UROS: variants seen among roughly 807,000 people sequenced by gnomAD.
UROS encodes uroporphyrinogen-III synthase.
UROS carries 18 observed loss-of-function variants against 33.0 expected under a neutral mutation model. The observed-to-expected ratio is 0.55, with a 90% confidence interval of 0.38 to 0.81. UROS has a LOEUF of 0.81. Ranked by LOEUF, UROS falls within the 30% of genes least tolerant of loss-of-function variation. The pLI is 0.00. For missense variants in UROS, 293 were observed against 314.9 expected, an observed-to-expected ratio of 0.93 and a Z score of 0.53; for synonymous variants, 114 against 121.1, an observed-to-expected ratio of 0.94 and a Z score of 0.38.
intron 5 of UROS, among the ~76,000 whole-genome samples, chr10:125,809,081 A>G (rs923993449): frequency 2.0e-5 from 3 of 152,266 alleles, no homozygotes; most frequent in African/African-American, 7.2e-5. Flanking sequence ...TAAAGGGACT[A>G]TAAGAATGTA....
intron 6 of UROS, among the ~76,000 whole-genome samples, chr10:125,806,874 C>T: frequency 6.6e-6 from 1 of 152,278 alleles, no homozygotes; most frequent in East Asian, 1.9e-4. Flanking sequence ...AGAATTTTTG[C>T]CTATGTATCT....
At chr10:125,797,434 C>T (rs1283951797) in intron 7 of UROS, among the ~76,000 whole-genome samples, 2 of 152,190 alleles carry the variant, frequency 1.3e-5, no homozygotes, top group Non-Finnish European at 2.9e-5. Flanking sequence ...AGCTAATAAA[C>T]AGCAAGAGGG....
intron 7 of UROS, among the ~76,000 whole-genome samples, chr10:125,797,481 G>T (rs1851461172): frequency 6.6e-6 from 1 of 152,166 alleles, no homozygotes; most frequent in Admixed American, 6.5e-5. Flanking sequence ...CCGAAAGCTG[G>T]TACTCCAAAC....
intron 9 of UROS, among the ~76,000 whole-genome samples, chr10:125,790,826 C>CA (rs1564771254): frequency 3.3e-5 from 5 of 149,688 alleles, no homozygotes; most frequent in African/African-American, 1.2e-4. Context: ...CGCCGTGGCT[C>CA]ATGCCTGTAA....
chr10:125,789,538 C>T (rs1295355552), intron 9 of UROS: 4 of 215,674 alleles, frequency 1.9e-5, no homozygotes, highest in East Asian at 2.8e-4. Flanking sequence ...TCTGTCAAAC[C>T]GAAAAGATAA....
At chr10:125,793,580 CTT>C (rs1241676390) in intron 9 of UROS, 12 of 152,456 alleles carry the variant, frequency 7.9e-5, no homozygotes, top group Middle Eastern at 3.4e-3. Flanking sequence ...GAGTTTCACT[CTT>C]GTCACCCAGG....
At position 125,815,058 on chromosome 10, in the gene UROS, A is replaced by G. The variant is rs776087631; in HGVS notation, c.220T>C (p.Leu74=). ...PRAVEAAELC[L]EQNNKTEVWE... ...CCTTCAGTTTTATTGTTTTGCTCCAAACATAACTCTGCTGCTTCCACTGCT... is the reference window on the plus strand; with the variant it reads ...CCTTCAGTTTTATTGTTTTGCTCCAGACATAACTCTGCTGCTTCCACTGCT... Residue 74 remains leucine, a synonymous_variant, in exon 4 of 10, where the codon TTG becomes CTG. Transcript: ENST00000368797. 6 of 1,614,222 alleles carry G rather than the reference A, an allele frequency of 3.7e-6. No individual in the cohort carries two copies. Among genetic ancestry groups the G allele is most frequent in the Non-Finnish European group, 5.1e-6 (6 of 1,180,042 alleles).
In UROS at chr10:125,805,784, G is replaced by A. The variant is rs140063486; in HGVS notation, c.394+1629C>T. On this transcript the variant is annotated intron_variant, in intron 6 of 9. Coordinates refer to ENST00000368797, the MANE Select transcript of UROS (RefSeq NM_000375.3). ...TTAAATGACATCATACAGGCCACGT[G>A]TCTATGTACCCGAGACACGCTGGGC... Among the ~76,000 whole-genome samples the A allele has an allele frequency of 7.1e-4, 108 of 152,296 alleles. No homozygotes were observed. The South Asian group carries it at 0.01, about 15-fold the overall frequency.
intron 7 of UROS, among the ~76,000 whole-genome samples, chr10:125,797,536 G>A (rs1194946083): frequency 6.6e-6 from 1 of 152,190 alleles, no homozygotes; most frequent in Non-Finnish European, 1.5e-5. Context: ...ACAGCAAAAG[G>A]TGCGCAGGTG....
intron 9 of UROS, among the ~76,000 whole-genome samples, chr10:125,794,619 T>C (rs1851192548): frequency 6.6e-6 from 1 of 152,040 alleles, no homozygotes; most frequent in African/African-American, 2.4e-5. Context: ...CTGAGACTCA[T>C]CCTAAGCAGG....
intron 6 of UROS, among the ~76,000 whole-genome samples, chr10:125,804,098 T>C (rs991698452): frequency 1.3e-5 from 2 of 152,350 alleles, no homozygotes; most frequent in East Asian, 1.9e-4. Flanking sequence ...CTTTTAACCA[T>C]ACTGGAGTTT....
intron 1 of UROS, among the ~76,000 whole-genome samples, chr10:125,818,620 G>C (rs1048055320): frequency 2.6e-5 from 4 of 152,190 alleles, no homozygotes; most frequent in African/African-American, 9.7e-5. Context: ...GCACAGATAG[G>C]TTAACATGTC....
Position 125,796,729 on chromosome 10 carries a change from C to G in UROS, c.476-541G>C, listed in dbSNP as rs532292145. 412 of 945,770 alleles carry G rather than the reference C, an allele frequency of 4.4e-4. 1 individual carries two copies. The highest frequency in any genetic ancestry group is 5.1e-4 in the Non-Finnish European group (401 of 793,938). The allele number at this position is 945,770 out of a possible 1,614,324, so 58.6% of individuals were successfully genotyped here. A position where few individuals can be genotyped will look rare whatever the true frequency, so the allele number is the denominator to read the frequency against. ...TTCCTCCCTGTGCCATTCAGCGACT[C>G]TGAATATTCCCAGGGGTTTTCAGGG... On this transcript the variant is annotated intron_variant, in intron 7 of 9. Transcript: ENST00000368797.
chr10:125,808,180 A>G (rs1017666614), intron 5 of UROS, among the ~76,000 whole-genome samples: 1 of 152,162 alleles, frequency 6.6e-6, no homozygotes, highest in African/African-American at 2.4e-5. Context: ...CCACTCCACA[A>G]AGCGTGCTGA....
chr10:125,787,476 C>T (rs143631916), downstream of UROS, among the ~76,000 whole-genome samples: 410 of 152,240 alleles, frequency 2.7e-3, 1 homozygote, highest in African/African-American at 9.3e-3. Flanking sequence ...TTTCCAAACA[C>T]GGGTGCACAC....
chr10:125,808,245 T>C lies in UROS; in HGVS notation c.320-758A>G, dbSNP rs569146506. On this transcript the variant is annotated intron_variant, in intron 5 of 9. Transcript: ENST00000368797. ...CAACACTGCTACCTGCTCACAGGAA[T>C]GTGGAATGCCTCTGAGGAAGGAAGT... is the stretch of plus-strand genomic sequence containing the variant. Among the ~76,000 whole-genome samples the C allele has an allele frequency of 2.8e-4, 43 of 152,352 alleles. No individual in the cohort carries two copies. In the South Asian group the frequency reaches 3.3e-3, roughly 12 times the overall value.
intron 6 of UROS, among the ~76,000 whole-genome samples, chr10:125,801,368 G>C (rs915332122): frequency 2.0e-5 from 3 of 152,216 alleles, no homozygotes; most frequent in Non-Finnish European, 4.4e-5. Flanking sequence ...GGGAAAGAAG[G>C]AGAATCTATC....
chr10:125,796,799 G>C (rs538884671), intron 7 of UROS: 1 of 985,412 alleles, frequency 1.0e-6, no homozygotes, highest in African/African-American at 1.7e-5. Flanking sequence ...CGCAATTTCA[G>C]TCAGATATTG....
At chr10:125,818,177 G>A (rs994808396) in intron 1 of UROS, among the ~76,000 whole-genome samples, 3 of 152,224 alleles carry the variant, frequency 2.0e-5, no homozygotes, top group African/African-American at 7.2e-5. Context: ...CCCAAACACT[G>A]AAAGCATTTC....
Sources: gnomAD v4.1 joint callset for allele counts (sites outside exome capture counted in the v4.1 genomes callset) on GRCh38, gnomAD v4.1.1 for gene constraint, MANE v1.5 for transcripts, NCBI Gene and HGNC (gene_info 2026-07-23, HGNC 2026-07-21) for gene names.